Variants in LINC00632 observed in about 807,000 individuals in gnomAD.
The protein encoded by LINC00632 is ALDOA related specific transcript.
intron 2 of LINC00632, among the ~76,000 whole-genome samples, chrX:140,732,907 C>A (rs989075044): frequency 9.0e-6 from 1 of 110,606 alleles, no homozygotes; most frequent in Non-Finnish European, 1.9e-5. Context: ...GGATTACTGG[C>A]ACCCACCACC....
chrX:140,768,699 TTATATAATAAATATATATTTAATTAAA>T (rs1349681338), intron 3 of LINC00632, among the ~76,000 whole-genome samples: 1 of 97,855 alleles, frequency 1.0e-5, no homozygotes, highest in South Asian at 4.1e-4. Flanking sequence ...AATATATTTA[TTATATAATAAATATATATTTAATTAAA>T]TATATAATTA....
intron 2 of LINC00632, among the ~76,000 whole-genome samples, chrX:140,731,289 T>G (rs1235425841): frequency 3.6e-5 from 4 of 111,920 alleles, no homozygotes; most frequent in Non-Finnish European, 7.5e-5. Flanking sequence ...ATGAGATAAC[T>G]TCAGGAAAGA....
At chrX:140,717,274 C>A (rs1052861869) in intron 2 of LINC00632, among the ~76,000 whole-genome samples, 12 of 110,729 alleles carry the variant, frequency 1.1e-4, no homozygotes, top group Non-Finnish European at 2.1e-4. Context: ...AGCGACCGCC[C>A]CTGGCCACAA....
chrX:140,724,375 C>G (rs1277224413), intron 2 of LINC00632, among the ~76,000 whole-genome samples: 2 of 97,547 alleles, frequency 2.1e-5, no homozygotes, highest in Non-Finnish European at 4.2e-5. Context: ...TACACACACA[C>G]ACAGTCCATG....
At chrX:140,782,752 C>T (rs1931952572) in exon 5 of LINC00632, 1 of 111,791 alleles carries the variant, frequency 8.9e-6, no homozygotes, top group Admixed American at 9.5e-5. Flanking sequence ...CTTTCAGGTA[C>T]ATCAATATCC....
At chrX:140,742,274 G>GA (rs1931234792) in intron 3 of LINC00632, among the ~76,000 whole-genome samples, 3 of 111,566 alleles carry the variant, frequency 2.7e-5, no homozygotes. Context: ...TGAATATCTT[G>GA]AAAAACCACC....
intron 3 of LINC00632, among the ~76,000 whole-genome samples, chrX:140,756,945 T>A (rs1193216917): frequency 1.8e-5 from 2 of 111,640 alleles, no homozygotes; most frequent in African/African-American, 3.3e-5. Flanking sequence ...TTTTCCCCAA[T>A]CCAAAAATGT....
chrX:140,711,132 C>A (rs1437611490), intron 1 of LINC00632, among the ~76,000 whole-genome samples: 4 of 111,537 alleles, frequency 3.6e-5, no homozygotes, highest in Non-Finnish European at 7.5e-5. Flanking sequence ...TCTACGCCTT[C>A]CTCTCTGTGC....
At chrX:140,756,156 A>G (rs1931490075) in intron 3 of LINC00632, among the ~76,000 whole-genome samples, 1 of 112,226 alleles carries the variant, frequency 8.9e-6, no homozygotes, top group Admixed American at 9.5e-5. Context: ...ACATGGAGCC[A>G]TGGATTTAGA....
intron 2 of LINC00632, chrX:140,714,470 A>C (rs1296228635): frequency 8.9e-6 from 1 of 112,812 alleles, no homozygotes; most frequent in African/African-American, 3.3e-5. Context: ...CACAGCACAC[A>C]AACTTGTCCT....
chrX:140,780,741 T>G (rs1203426778), exon 5 of LINC00632, among the ~76,000 whole-genome samples: 3 of 111,738 alleles, frequency 2.7e-5, no homozygotes, highest in Non-Finnish European at 5.6e-5. Context: ...TTGAATTTCA[T>G]GTATTCTATG....
chrX:140,751,867 C>T (rs1336542211), intron 3 of LINC00632, among the ~76,000 whole-genome samples: 1 of 111,584 alleles, frequency 9.0e-6, no homozygotes, highest in Non-Finnish European at 1.9e-5. Context: ...CTCCTTATTA[C>T]ATAGAAGTTT....
At chrX:140,787,141 A>G (rs938421832) in exon 5 of LINC00632, among the ~76,000 whole-genome samples, 1 of 110,390 alleles carries the variant, frequency 9.1e-6, no homozygotes, top group Non-Finnish European at 1.9e-5. Flanking sequence ...ATCAAGCTTT[A>G]CTGTTGGAAA....
chrX:140,773,771 C>T (rs903318386), exon 4 of LINC00632, among the ~76,000 whole-genome samples: 2 of 111,952 alleles, frequency 1.8e-5, no homozygotes, highest in African/African-American at 6.5e-5. Flanking sequence ...ACCCCCAGTA[C>T]GACTCCACTC....
At chrX:140,746,769 A>G (rs1373658369) in intron 3 of LINC00632, among the ~76,000 whole-genome samples, 1 of 112,145 alleles carries the variant, frequency 8.9e-6, no homozygotes, top group Non-Finnish European at 1.9e-5. Context: ...GGAGCAACTA[A>G]TGAAGAGTTT....
intron 2 of LINC00632, chrX:140,713,636 T>C (rs1401051044): frequency 2.9e-6 from 1 of 339,710 alleles, no homozygotes; most frequent in African/African-American, 2.7e-5. Context: ...TAGACTCTTC[T>C]CACAGTACAC....
At chrX:140,776,620 A>G (rs190912793) in exon 5 of LINC00632, among the ~76,000 whole-genome samples, 2 of 112,100 alleles carry the variant, frequency 1.8e-5, no homozygotes, top group African/African-American at 6.5e-5. Context: ...CAGGATGGCG[A>G]TTATTAAAAA....
At chrX:140,756,999 CACTT>C (rs1177537912) in intron 3 of LINC00632, among the ~76,000 whole-genome samples, 1 of 111,659 alleles carries the variant, frequency 9.0e-6, no homozygotes, top group African/African-American at 3.3e-5. Context: ...GCTGGTTGCA[CACTT>C]ACTCTCATGC....
intron 3 of LINC00632, among the ~76,000 whole-genome samples, chrX:140,743,018 A>G (rs998705113): frequency 1.8e-5 from 2 of 108,759 alleles, no homozygotes; most frequent in African/African-American, 3.4e-5. Context: ...AGAGATCAGG[A>G]GTTCGAGACC....
Sources: gnomAD v4.1 joint callset for allele counts (sites outside exome capture counted in the v4.1 genomes callset) on GRCh38, gnomAD v4.1.1 for gene constraint, MANE v1.5 for transcripts, NCBI Gene and HGNC (gene_info 2026-07-23, HGNC 2026-07-21) for gene names.